PRSS36: variants seen among roughly 807,000 people sequenced by gnomAD.
The protein encoded by PRSS36 is serine protease 36, also known as polyserase-2.
In PRSS36, 90 loss-of-function variants were observed where a neutral mutation model predicts 94.3. The observed-to-expected ratio is 0.95, with a 90% CI of 0.80 to 1.14. The LOEUF (loss-of-function observed/expected upper bound fraction) is 1.14. PRSS36 is among the 50% of genes most tolerant of loss of function. The pLI is 0.00. For synonymous variants in PRSS36, 500 were observed against 489.6 expected, an observed-to-expected ratio of 1.02 and a Z score of -0.28; for missense variants, 1,158 against 1,135.0, an observed-to-expected ratio of 1.02 and a Z score of -0.29.
rs1320625002 is a variant in PRSS36 at position 31,149,366 on chromosome 16, C to A, written c.109+97G>T. ...CTCTGAACAAAGAACATAGAGGACC[C>A]AGGCTTGTCTACATTTCTGGTCTTT... On this transcript the variant is annotated intron_variant, in intron 3 of 14. Transcript: ENST00000268281. 2.6e-6 allele frequency: 4 copies of A among 1,557,856 alleles called. No individual in the cohort carries two copies. The East Asian group carries it at 9.0e-5, about 35-fold the overall frequency.
intron 5 of PRSS36, 93 bp downstream of exon 5, chr16:31,148,302 C>T: frequency 7.3e-7 from 1 of 1,364,266 alleles, no homozygotes; most frequent in Non-Finnish European, 9.6e-7. Context: ...GGCTCCGCTC[C>T]GTGGCCCCAC....
rs2057636547 is a variant in PRSS36 at position 31,139,086 on chromosome 16, G to A, written c.*52C>T. On this transcript the variant is annotated 3_prime_UTR_variant, in exon 15 of 15. Coordinates refer to ENST00000268281, the MANE Select transcript of PRSS36 (RefSeq NM_173502.5). ...GCTGGGCCACATTCCAGCCCCACTG[G>A]GCGGGAAGTAGAGGGTGGAGAAGGG... The A allele has an allele frequency of 6.7e-7, 1 of 1,503,652 alleles. No individual in the cohort carries two copies. The highest frequency in any genetic ancestry group is 2.3e-5 in the Admixed American group (1 of 44,164). 93.1% of individuals were successfully genotyped at this position (1,503,652 alleles called of 1,614,324 possible).
intron 6 of PRSS36, 124 bp downstream of exon 6, chr16:31,145,665 T>C: frequency 3.1e-6 from 3 of 975,948 alleles, no homozygotes; most frequent in Middle Eastern, 3.4e-4. Flanking sequence ...AAACTTCACG[T>C]CAACCCCATC....
Position 31,139,259 on chromosome 16 carries a change from CTGG to C in PRSS36, c.2444_2446del (p.Pro815_Ser816delinsArg). 6.2e-7 allele frequency: 1 copy of C among 1,614,136 alleles called. No homozygotes were observed. Among genetic ancestry groups the C allele is most frequent in the Non-Finnish European group, 8.5e-7 (1 of 1,179,988 alleles). ...TCCAGTGGGCCAGTGTGGGGAGCCA[CTGG>C]GGGGCAGGAAGTTGGCCTCTCCCAC... On this transcript the variant is annotated inframe_deletion, in exon 15 of 15. Coordinates refer to ENST00000268281, the MANE Select transcript of PRSS36 (RefSeq NM_173502.5).
At chr16:31,143,494 C>T (rs1306277659) in intron 7 of PRSS36, 23 bp from the exon 8 acceptor site, 2 of 1,603,896 alleles carry the variant, frequency 1.2e-6, no homozygotes, top group South Asian at 1.1e-5. Context: ...AGGCCTGGGT[C>T]AGTGGGCCTC....
Position 31,142,577 on chromosome 16 carries a change from C to G in PRSS36, c.1425G>C (p.Leu475=). ...ELLGGWWCHC[L]YGRQGAAVPL... The stretch of plus-strand genomic sequence containing the variant: ...GTACTGCCGCCCCCTGGCGGCCGTA[C>G]AGGCAGTGGCACCACCAGCCGCCTA... Residue 475 remains leucine, a synonymous_variant, in exon 10 of 15, where the codon CTG becomes CTC. Coordinates refer to ENST00000268281, the MANE Select transcript of PRSS36 (RefSeq NM_173502.5). 1.3e-6 allele frequency: 2 copies of G among 1,524,370 alleles called. No homozygotes were observed. Among genetic ancestry groups the G allele is most frequent in the Non-Finnish European group, 1.8e-6 (2 of 1,140,166 alleles). The allele number at this position is 1,524,370 out of a possible 1,614,324, so 94.4% of individuals were successfully genotyped here. A position where few individuals can be genotyped will look rare whatever the true frequency, so the allele number is the denominator to read the frequency against.
chr16:31,142,577 CA>C lies in PRSS36; in HGVS notation c.1424del (p.Leu475ArgfsTer79). 1.3e-6 allele frequency: 2 copies of C among 1,524,370 alleles called. No individual in the cohort carries two copies. The highest frequency in any genetic ancestry group is 2.4e-5 in the South Asian group (2 of 82,766). The allele number at this position is 1,524,370 out of a possible 1,614,324, so 94.4% of individuals were successfully genotyped here. ...GTACTGCCGCCCCCTGGCGGCCGTA[CA>C]GGCAGTGGCACCACCAGCCGCCTAA... Reference protein sequence around the residue: ...ELLGGWWCHCLYGRQGAAVPL... With the variant: ...ELLGGWWCHCXYGRQGAAVPL... On this transcript the variant is annotated frameshift_variant, in exon 10 of 15. Transcript: ENST00000268281. LOFTEE classifies it high-confidence loss of function.
intron 5 of PRSS36, among the ~76,000 whole-genome samples, chr16:31,146,574 T>C (rs1419536471): frequency 6.6e-6 from 1 of 152,120 alleles, no homozygotes; most frequent in Non-Finnish European, 1.5e-5. Flanking sequence ...CGGATCACAC[T>C]GTCTAAACTT....
Position 31,139,081 on chromosome 16 carries a change from C to T in PRSS36, c.*57G>A. The stretch of plus-strand genomic sequence containing the variant: ...AGCCGGCTGGGCCACATTCCAGCCC[C>T]ACTGGGCGGGAAGTAGAGGGTGGAG... On this transcript the variant is annotated 3_prime_UTR_variant, in exon 15 of 15. Transcript: ENST00000268281. The T allele has an allele frequency of 3.3e-6, 5 of 1,496,664 alleles. No homozygotes were observed. Among genetic ancestry groups the T allele is most frequent in the Non-Finnish European group, 4.5e-6 (5 of 1,118,720 alleles). The allele number at this position is 1,496,664 out of a possible 1,614,324, so 92.7% of individuals were successfully genotyped here. A position where few individuals can be genotyped will look rare whatever the true frequency, so the allele number is the denominator to read the frequency against.
chr16:31,141,953 G>T lies in PRSS36; in HGVS notation c.1529C>A (p.Ser510Ter). The change falls in exon 11 of 15, where the codon TCG becomes TAG. Residue 510 changes from serine to a stop codon, truncating the protein, a stop_gained. Transcript: ENST00000268281. LOFTEE classifies it high-confidence loss of function. The stretch of plus-strand genomic sequence containing the variant: ...CTCCTGGCACAAAAGGCTCCAACGC[G>T]AGTCATTCTGCAGCAACAAAGTGTG... ...KEEVGSCWND[S>*]RWSLLCQEEG... is the part of the protein sequence containing the mutation. 1 of 1,614,000 alleles carries T rather than the reference G, an allele frequency of 6.2e-7. No homozygotes were observed.
rs780229685 is a variant in PRSS36 at position 31,143,473 on chromosome 16, T to C, written c.971-2A>G. ...CTGGCCGCGGGGCCTTCCCGCACTC[T>C]GAGGGGTGAGAGGCCTGGGTCAGTG... On this transcript the variant is annotated splice_acceptor_variant, in intron 7 of 14. Coordinates refer to ENST00000268281, the MANE Select transcript of PRSS36 (RefSeq NM_173502.5). LOFTEE classifies it high-confidence loss of function. 20 of 1,606,988 alleles carry C rather than the reference T, an allele frequency of 1.2e-5. No individual in the cohort carries two copies. Among genetic ancestry groups the C allele is most frequent in the Non-Finnish European group, 1.7e-5 (20 of 1,176,490 alleles).
intron 12 of PRSS36, among the ~76,000 whole-genome samples, chr16:31,141,214 G>A (rs974364692): frequency 6.6e-6 from 1 of 152,048 alleles, no homozygotes; most frequent in African/African-American, 2.4e-5. Flanking sequence ...GAACCATTGC[G>A]CCCAGCTGTA....
Position 31,141,950 on chromosome 16 carries a change from C to T in PRSS36, c.1532G>A (p.Arg511His), listed in dbSNP as rs781472037. 6.2e-5 allele frequency: 100 copies of T among 1,613,984 alleles called. No individual in the cohort carries two copies. The highest frequency in any genetic ancestry group is 8.1e-5 in the Non-Finnish European group (95 of 1,179,982). Residue 511 changes from arginine to histidine, a missense_variant, in exon 11 of 15, where the codon CGT becomes CAT. Transcript: ENST00000268281. ...EEVGSCWNDS[R>H]WSLLCQEEGT... The stretch of plus-strand genomic sequence containing the variant: ...CTCCTCCTGGCACAAAAGGCTCCAA[C>T]GCGAGTCATTCTGCAGCAACAAAGT...
At chr16:31,149,675 C>G (rs1380336285) in intron 2 of PRSS36, 21 bp downstream of exon 2, 1 of 1,614,070 alleles carries the variant, frequency 6.2e-7, no homozygotes, top group African/African-American at 1.3e-5. Flanking sequence ...ACGTGACTTT[C>G]CCCCAGTCCG....
chr16:31,142,207 T>G (rs1430184454), intron 10 of PRSS36, among the ~76,000 whole-genome samples: 1 of 152,158 alleles, frequency 6.6e-6, no homozygotes, highest in African/African-American at 2.4e-5. Context: ...CTCCCAAAAG[T>G]TCTCTAGGGG....
chr16:31,140,398 C>G lies in PRSS36; in HGVS notation c.2185G>C (p.Val729Leu). The stretch of plus-strand genomic sequence containing the variant: ...CAGATTCGTTGTGTCAAGATGGAGA[C>G]AGCAGCAGCCACAGGGACTGGGGAG... ...PQDRVPVAAA[V>L]SILTQRICDC... The change falls in exon 14 of 15, where the codon GTC becomes CTC. Residue 729 changes from valine (V) to leucine (L), a missense_variant. Val to Leu is a conservative substitution (Grantham distance 32, BLOSUM62 1). Transcript: ENST00000268281. The G allele has an allele frequency of 6.2e-7, 1 of 1,613,900 alleles. No individual in the cohort carries two copies. Among genetic ancestry groups the G allele is most frequent in the Middle Eastern group, 1.7e-4 (1 of 6,060 alleles).
chr16:31,148,255 C>G, intron 5 of PRSS36, 140 bp downstream of exon 5: 3 of 916,860 alleles, frequency 3.3e-6, no homozygotes, highest in Non-Finnish European at 4.7e-6. Flanking sequence ...GATTCATCCA[C>G]CGACCCGCAG....
intron 12 of PRSS36, 55 bp from the exon 13 acceptor site, chr16:31,140,812 C>A: frequency 6.3e-7 from 1 of 1,590,048 alleles, no homozygotes; most frequent in South Asian, 1.1e-5. Context: ...TGGCAAAGTC[C>A]TTCCCAGCCC....
intron 2 of PRSS36, 69 bp from the exon 3 acceptor site, chr16:31,149,567 C>T: frequency 6.8e-6 from 11 of 1,608,834 alleles, no homozygotes; most frequent in Non-Finnish European, 9.4e-6. Context: ...AGCCCCACTT[C>T]CTGCTCTCCA....
Sources: allele counts gnomAD v4.1 joint callset (sites outside exome capture counted in the v4.1 genomes callset), GRCh38; gene constraint gnomAD v4.1.1; transcripts MANE v1.5; gene names NCBI Gene and HGNC (gene_info 2026-07-23, HGNC 2026-07-21).